The following UNC13B variants were observed in gnomAD, a reference collection of about 807,000 sequenced individuals.
The protein encoded by UNC13B is protein unc-13 homolog B.
In UNC13B, 144 loss-of-function variants were observed where a neutral mutation model predicts 211.0. That is an observed-to-expected ratio of 0.68 (90% confidence interval 0.60 to 0.78). UNC13B has a LOEUF of 0.78. UNC13B is among the 30% of genes least tolerant of loss of function. UNC13B has a pLI of 0.00. For missense variants in UNC13B, 1,777 were observed against 2,002.0 expected (o/e 0.89, Z 2.14); for synonymous variants, 709 against 725.8 (o/e 0.98, Z 0.37).
At chr9:35,228,712 G>A (rs1420619717) in intron 2 of UNC13B, among the ~76,000 whole-genome samples, 1 of 43,862 alleles carries the variant, frequency 2.3e-5, no homozygotes, top group African/African-American at 5.6e-5. Flanking sequence ...AAGTGTGTGT[G>A]TGTGTGTGTG....
chr9:35,203,489 A>C (rs900377766), intron 1 of UNC13B, among the ~76,000 whole-genome samples: 1 of 152,072 alleles, frequency 6.6e-6, no homozygotes, highest in Non-Finnish European at 1.5e-5. Flanking sequence ...TTGGCCCCCC[A>C]CTCTCTTCTG....
At chr9:35,226,763 G>T (rs1260148005) in intron 1 of UNC13B, among the ~76,000 whole-genome samples, 1 of 152,128 alleles carries the variant, frequency 6.6e-6, no homozygotes, top group Non-Finnish European at 1.5e-5. Context: ...CTGATTAAAT[G>T]GTACCCACCC....
chr9:35,304,068 T>C lies in UNC13B; in HGVS notation c.4664T>C (p.Phe1555Ser), dbSNP rs760388318. The C allele has an allele frequency of 5.0e-6, 2 of 398,706 alleles. No individual in the cohort carries two copies. The highest frequency in any genetic ancestry group is 2.1e-5 in the African/African-American group (1 of 48,626). 24.7% of individuals were successfully genotyped at this position (398,706 alleles called of 1,614,324 possible). Reference sequence around the variant, plus strand: ...TCTACTGGGCAGTATGCATATTTATTTATACCTGATTCTTATCAAGAGTAT... The same window carrying C: ...TCTACTGGGCAGTATGCATATTTATCTATACCTGATTCTTATCAAGAGTAT... ...TDSTGQYAYL[F>S]IPDSYQEYLD... Residue 1555 changes from phenylalanine to serine, a missense_variant, in exon 9 of 40, where the codon TTT (phenylalanine) becomes TCT (serine). Physicochemically the swap from Phe to Ser is radical, Grantham distance 155 (BLOSUM62 -2). Coordinates refer to ENST00000635942, the MANE Select transcript of UNC13B (RefSeq NM_001371189.2).
At position 35,380,592 on chromosome 9, in the gene UNC13B, T is replaced by C. The variant is rs756188015; in HGVS notation, c.10328T>C (p.Ile3443Thr). 1.9e-6 allele frequency: 3 copies of C among 1,614,166 alleles called. No individual in the cohort carries two copies. The Admixed American group carries it at 5.0e-5, about 27-fold the overall frequency. ...GATGATTTCCTTGGCCAAACCATCA[T>C]TGAGGTTCGGACCCTAAGTGGCGAG... ...ESDDFLGQTIIEVRTLSGEMD... is the reference protein window; with the variant it reads ...ESDDFLGQTITEVRTLSGEMD... Residue 3443 changes from isoleucine to threonine, a missense_variant, in exon 18 of 40, where the codon ATT becomes ACT. By Grantham distance (89) the Ile-to-Thr change is moderately conservative. Transcript: ENST00000635942.
At chr9:35,268,048 TAC>T (rs1273569326) in intron 7 of UNC13B, among the ~76,000 whole-genome samples, 1 of 152,148 alleles carries the variant, frequency 6.6e-6, no homozygotes, top group Non-Finnish European at 1.5e-5. Flanking sequence ...CTTAGAAAAG[TAC>T]ACAGTTCACA....
At chr9:35,186,570 A>G (rs1822370952) in intron 1 of UNC13B, among the ~76,000 whole-genome samples, 1 of 151,758 alleles carries the variant, frequency 6.6e-6, no homozygotes, top group Non-Finnish European at 1.5e-5. Context: ...AAAGAGAAAC[A>G]AAGAGAAAGG....
chr9:35,261,191 C>A (rs1827252289), intron 7 of UNC13B, among the ~76,000 whole-genome samples: 1 of 152,114 alleles, frequency 6.6e-6, no homozygotes, highest in South Asian at 2.1e-4. Context: ...TCCCTCATCC[C>A]CCTCTTATTT....
At chr9:35,369,960 T>C (rs977523398) in intron 12 of UNC13B, among the ~76,000 whole-genome samples, 11 of 152,210 alleles carry the variant, frequency 7.2e-5, no homozygotes, top group Admixed American at 5.9e-4. Context: ...GCAGTGTCTT[T>C]GCCCTGAATG....
chr9:35,353,118 T>A, intron 11 of UNC13B: 1 of 1,232,114 alleles, frequency 8.1e-7, no homozygotes, highest in Admixed American at 4.2e-5. Flanking sequence ...GAAATTATCA[T>A]AGGGCCTGAG....
chr9:35,194,226 C>G (rs1333009204), intron 1 of UNC13B, among the ~76,000 whole-genome samples: 1 of 152,196 alleles, frequency 6.6e-6, no homozygotes, highest in South Asian at 2.1e-4. Flanking sequence ...GTTTCCTGAT[C>G]TTGCCAAACA....
intron 1 of UNC13B, among the ~76,000 whole-genome samples, chr9:35,200,189 G>A (rs970444364): frequency 4.6e-5 from 7 of 151,994 alleles, no homozygotes; most frequent in Admixed American, 4.6e-4. Flanking sequence ...TGTTCCATTG[G>A]TCTATATCTC....
intron 24 of UNC13B, among the ~76,000 whole-genome samples, chr9:35,386,723 T>C (rs1270574021): frequency 2.0e-5 from 3 of 152,178 alleles, no homozygotes; most frequent in African/African-American, 7.2e-5. Context: ...CTTTTCCCTC[T>C]AATTACTTCT....
chr9:35,232,290 C>T (rs189127441), intron 3 of UNC13B, among the ~76,000 whole-genome samples: 3 of 147,948 alleles, frequency 2.0e-5, no homozygotes, highest in African/African-American at 7.5e-5. Context: ...GAGCGATCTT[C>T]TTGCCTTAGC....
intron 5 of UNC13B, among the ~76,000 whole-genome samples, chr9:35,240,931 TGTA>T (rs1825769046): frequency 6.6e-6 from 1 of 151,778 alleles, no homozygotes; most frequent in African/African-American, 2.4e-5. Context: ...GTCGTGCGCC[TGTA>T]ATCTCAGCTA....
At chr9:35,283,585 T>G (rs542792539) in intron 7 of UNC13B, among the ~76,000 whole-genome samples, 48 of 152,136 alleles carry the variant, frequency 3.2e-4, no homozygotes, top group Admixed American at 9.2e-4. Flanking sequence ...TTGTTCTAGG[T>G]GTTTAGGATA....
intron 26 of UNC13B, among the ~76,000 whole-genome samples, chr9:35,391,261 C>T (rs1835514510): frequency 6.6e-6 from 1 of 152,152 alleles, no homozygotes; most frequent in Admixed American, 6.5e-5. Flanking sequence ...TATTCATTTC[C>T]TACCTTGGTC....
intron 3 of UNC13B, among the ~76,000 whole-genome samples, chr9:35,232,114 A>T (rs1033522133): frequency 7.1e-6 from 1 of 141,504 alleles, no homozygotes; most frequent in Non-Finnish European, 1.5e-5. Flanking sequence ...AGAGGGACAT[A>T]GGGATGGTTA....
intron 37 of UNC13B, 97 bp from the exon 38 acceptor site, chr9:35,403,070 C>A: frequency 1.0e-6 from 1 of 1,001,506 alleles, no homozygotes; most frequent in Non-Finnish European, 1.6e-6. Flanking sequence ...GTGGTGATTG[C>A]TTCTTGCTTT....
chr9:35,248,257 T>C (rs1826223560), intron 6 of UNC13B, among the ~76,000 whole-genome samples: 1 of 152,306 alleles, frequency 6.6e-6, no homozygotes, highest in East Asian at 1.9e-4. Flanking sequence ...TCTTCTTTAT[T>C]AGTCTTGCTA....
Sources: gnomAD v4.1 joint callset for allele counts (sites outside exome capture counted in the v4.1 genomes callset) on GRCh38, gnomAD v4.1.1 for gene constraint, MANE v1.5 for transcripts, NCBI Gene and HGNC (gene_info 2026-07-23, HGNC 2026-07-21) for gene names.